Variants in ZNF532 observed in about 807,000 individuals in gnomAD.
ZNF532 encodes zinc finger protein 532.
A neutral mutation model predicts 89.3 loss-of-function variants in ZNF532; 22 were observed. The observed-to-expected ratio is 0.25, with a 90% CI of 0.18 to 0.35. The LOEUF is 0.35. Among genes scored for constraint, ZNF532 ranks in the 10% least tolerant of loss-of-function variants. The pLI is 1.00. For synonymous variants in ZNF532, 606 were observed against 649.6 expected (o/e 0.93, Z 1.02); for missense variants, 1,132 against 1,643.4 (o/e 0.69, Z 5.38).
intron 4 of ZNF532, among the ~76,000 whole-genome samples, chr18:58,937,507 T>G (rs1406502429): frequency 6.6e-6 from 1 of 152,248 alleles, no homozygotes; most frequent in Non-Finnish European, 1.5e-5. Context: ...TTTTATTTGC[T>G]GTACATTAAA....
rs1329850173 is a variant in ZNF532 at position 58,984,907 on chromosome 18, ATTCACT to A, written c.*442_*447del. On this transcript the variant is annotated 3_prime_UTR_variant, in exon 10 of 10. Coordinates refer to ENST00000591808, the MANE Select transcript of ZNF532 (RefSeq NM_001375912.1). Reference sequence around the variant, plus strand: ...TTTTTTAGTGTTTTTAATTTTTAGAATTCACTACATAAATTGTAAGTAATTGTGGGT... The same window carrying A: ...TTTTTTAGTGTTTTTAATTTTTAGAAACATAAATTGTAAGTAATTGTGGGT... The A allele has an allele frequency of 6.2e-6, 1 of 161,264 alleles. No individual in the cohort carries two copies. The highest frequency in any genetic ancestry group is 1.8e-4 in the East Asian group (1 of 5,676). The allele number at this position is 161,264 out of a possible 1,614,324, so 10.0% of individuals were successfully genotyped here.
chr18:58,983,114 A>AG (rs1364367212), intron 9 of ZNF532, among the ~76,000 whole-genome samples: 2 of 152,144 alleles, frequency 1.3e-5, no homozygotes, highest in Non-Finnish European at 2.9e-5. Context: ...TCCGTCTTAA[A>AG]AAAAAAGAAA....
chr18:58,874,190 C>CTTCCTTGTCGCTAGAG (rs2057237394), intron 2 of ZNF532, among the ~76,000 whole-genome samples: 1 of 152,198 alleles, frequency 6.6e-6, no homozygotes, highest in East Asian at 1.9e-4. Flanking sequence ...TGTGTGTCTC[C>CTTCCTTGTCGCTAGAG]TCCTTGTCGC....
rs34378616 is a variant in ZNF532, at chr18:58,888,740, ATT to A, written c.-18+23164_-18+23165del. 4.0e-3 allele frequency among the ~76,000 whole-genome samples: 215 copies of A among 54,270 alleles called. 12 individuals are homozygous for A. Among genetic ancestry groups the A allele is most frequent in the African/African-American group, 0.019 (192 of 10,286 alleles). The allele number at this position is 54,270 out of a possible 152,430, so 35.6% of individuals were successfully genotyped here. ...ATATATATATAAATTATATATATAT[ATT>A]TTATATATATATAAAATTAATATAT... On this transcript the variant is annotated intron_variant, in intron 2 of 9. Transcript: ENST00000591808.
intron 9 of ZNF532, among the ~76,000 whole-genome samples, chr18:58,983,141 C>G (rs2068019298): frequency 6.6e-6 from 1 of 152,102 alleles, no homozygotes; most frequent in Non-Finnish European, 1.5e-5. Flanking sequence ...GCAAAGGTAG[C>G]TTCAGGTCAT....
chr18:58,924,026 T>C (rs991343091), intron 3 of ZNF532, among the ~76,000 whole-genome samples: 1 of 152,144 alleles, frequency 6.6e-6, no homozygotes, highest in African/African-American at 2.4e-5. Context: ...CCAGCTAATT[T>C]TTGTATTTTT....
chr18:58,869,243 T>C (rs1035172532), intron 2 of ZNF532, among the ~76,000 whole-genome samples: 3 of 152,182 alleles, frequency 2.0e-5, no homozygotes, highest in African/African-American at 7.2e-5. Flanking sequence ...ACAAAAAAGA[T>C]CTAGCGTTGA....
intron 5 of ZNF532, among the ~76,000 whole-genome samples, chr18:58,945,390 G>A (rs1425567239): frequency 6.6e-6 from 1 of 152,188 alleles, no homozygotes; most frequent in East Asian, 1.9e-4. Flanking sequence ...CTTCATCATC[G>A]AGGCGAGGCA....
intron 2 of ZNF532, among the ~76,000 whole-genome samples, chr18:58,900,717 A>G (rs2145638165): frequency 6.6e-6 from 1 of 152,300 alleles, no homozygotes; most frequent in East Asian, 1.9e-4. Flanking sequence ...GGCAACCGTT[A>G]TTGACATACA....
chr18:58,917,341 T>G (rs2060671859), intron 2 of ZNF532, among the ~76,000 whole-genome samples: 8 of 152,140 alleles, frequency 5.3e-5, no homozygotes, highest in Admixed American at 5.2e-4. Context: ...TTGCCTGTCC[T>G]CAGGCAGCTT....
intron 3 of ZNF532, among the ~76,000 whole-genome samples, chr18:58,927,931 G>A (rs766019640): frequency 9.9e-5 from 15 of 152,132 alleles, no homozygotes; most frequent in South Asian, 2.1e-4. Flanking sequence ...TCTTAGCCCC[G>A]TCTTTAAAAG....
chr18:58,907,699 TC>T (rs2060023298), intron 2 of ZNF532, among the ~76,000 whole-genome samples: 1 of 152,118 alleles, frequency 6.6e-6, no homozygotes, highest in East Asian at 1.9e-4. Context: ...CAGCATGTCT[TC>T]CGTCTGCCTC....
intron 6 of ZNF532, among the ~76,000 whole-genome samples, chr18:58,949,689 CAA>C (rs1353466640): frequency 4.6e-5 from 7 of 152,152 alleles, no homozygotes; most frequent in Non-Finnish European, 1.0e-4. Flanking sequence ...AACAAACAAA[CAA>C]AAAGTTACAC....
At chr18:58,968,141 A>G (rs573446099) in intron 7 of ZNF532, among the ~76,000 whole-genome samples, 42 of 152,250 alleles carry the variant, frequency 2.8e-4, no homozygotes, top group Middle Eastern at 3.4e-3. Context: ...ACCAAGGAAG[A>G]TATTTCCTCC....
chr18:58,868,218 C>T (rs1174053632), intron 2 of ZNF532, among the ~76,000 whole-genome samples: 1 of 152,192 alleles, frequency 6.6e-6, no homozygotes, highest in Admixed American at 6.5e-5. Flanking sequence ...ATCCCAGGAC[C>T]ATCAGAACAA....
chr18:58,865,187 C>G lies in ZNF532; in HGVS notation c.-326C>G, dbSNP rs1030100842. ...TGGGGACACTTGGTTGATGCAGTCT[C>G]TCTCTCTCTTTCTCGGTGTTTATAA... On this transcript the variant is annotated 5_prime_UTR_variant, in exon 1 of 10. Transcript: ENST00000591808. 6.6e-6 allele frequency: 1 copy of G among 151,772 alleles called. No homozygotes were observed. The highest frequency in any genetic ancestry group is 1.5e-5 in the Non-Finnish European group (1 of 67,976). The allele number at this position is 151,772 out of a possible 1,614,324, so 9.4% of individuals were successfully genotyped here.
chr18:58,923,604 G>T (rs1411192812), intron 3 of ZNF532, among the ~76,000 whole-genome samples: 1 of 152,018 alleles, frequency 6.6e-6, no homozygotes, highest in Non-Finnish European at 1.5e-5. Flanking sequence ...GGGAGGTGGG[G>T]GCTGCAGTAA....
rs993507696 is a variant in ZNF532 at position 58,930,998 on chromosome 18, T to C, written c.2347-3435T>C. 5.3e-5 allele frequency among the ~76,000 whole-genome samples: 8 copies of C among 152,320 alleles called. No homozygotes were observed. In the East Asian group the frequency reaches 1.2e-3, roughly 22 times the overall value. On this transcript the variant is annotated intron_variant, in intron 3 of 9. Coordinates refer to ENST00000591808, the MANE Select transcript of ZNF532 (RefSeq NM_001375912.1). ...ATGTGGGTACTTTTCGGCTTTATTT[T>C]CCTATAGCTTTCTAGTATTACCTAT...
In ZNF532 at chr18:58,981,576, G is replaced by A. The variant is rs1244453165; in HGVS notation, c.3370G>A (p.Ala1124Thr). The A allele has an allele frequency of 1.9e-6, 3 of 1,614,052 alleles. No individual in the cohort carries two copies. The highest frequency in any genetic ancestry group is 2.5e-6 in the Non-Finnish European group (3 of 1,180,012). Reference protein sequence around the residue: ...KDPDLKEMTDATNEEETEIKE... With the variant: ...KDPDLKEMTDTTNEEETEIKE... The stretch of plus-strand genomic sequence containing the variant: ...CCCTGACCTGAAAGAAATGACAGAT[G>A]CCACCAATGAGGAGGAAACAGAAAT... Residue 1124 changes from alanine (A) to threonine (T), a missense_variant, in exon 9 of 10, where the codon GCC becomes ACC. Physicochemically the swap from Ala to Thr is moderately conservative, Grantham distance 58. Around this residue, in one of 9 missense-constraint regions of ZNF532, gnomAD observed 415 missense variants for 604.8 expected, o/e 0.69. Coordinates refer to ENST00000591808, the MANE Select transcript of ZNF532 (RefSeq NM_001375912.1).
Sources: gnomAD v4.1 joint callset for allele counts (sites outside exome capture counted in the v4.1 genomes callset) on GRCh38, gnomAD v4.1.1 for gene constraint, gnomAD v4.1.1 regional missense constraint, MANE v1.5 for transcripts, NCBI Gene and HGNC (gene_info 2026-07-23, HGNC 2026-07-21) for gene names.